The following UNC5C variants were observed in gnomAD, a reference collection of about 807,000 sequenced individuals.
UNC5C encodes unc-5 netrin receptor C, also known as netrin receptor UNC5C.
In UNC5C, 47 loss-of-function variants were observed where a neutral mutation model predicts 99.8. The observed-to-expected ratio is 0.47, with a 90% CI of 0.37 to 0.60. The LOEUF (loss-of-function observed/expected upper bound fraction) is 0.60. Among genes scored for constraint, UNC5C ranks in the 20% least tolerant of loss-of-function variants. The probability of loss-of-function intolerance (pLI) is 0.00; values close to 1 mark genes in which losing one functional copy is unlikely to be tolerated. For missense variants in UNC5C, 1,062 were observed against 1,165.9 expected, an observed-to-expected ratio of 0.91 and a Z score of 1.30; for synonymous variants, 487 against 452.2, an observed-to-expected ratio of 1.08 and a Z score of -0.98.
chr4:95,374,526 C>A (rs1744837675), intron 1 of UNC5C, among the ~76,000 whole-genome samples: 1 of 152,106 alleles, frequency 6.6e-6, no homozygotes, highest in Admixed American at 6.6e-5. Flanking sequence ...GGGATTTACA[C>A]ACTGACAGCA....
At chr4:95,317,614 T>G (rs1160755548) in intron 2 of UNC5C, among the ~76,000 whole-genome samples, 2 of 152,136 alleles carry the variant, frequency 1.3e-5, no homozygotes, top group Non-Finnish European at 2.9e-5. Flanking sequence ...GCAAGGATGC[T>G]GTGAGCAGGA....
Position 95,166,048 on chromosome 4 carries a change from G to T in UNC5C, c.*3186C>A, listed in dbSNP as rs746672215. 6.6e-6 allele frequency: 1 copy of T among 152,180 alleles called. No individual in the cohort carries two copies. The highest frequency in any genetic ancestry group is 2.4e-5 in the African/African-American group (1 of 41,452). 9.4% of individuals were successfully genotyped at this position (152,180 alleles called of 1,614,324 possible). On this transcript the variant is annotated 3_prime_UTR_variant, in exon 16 of 16. Coordinates refer to ENST00000453304, the MANE Select transcript of UNC5C (RefSeq NM_003728.4). The stretch of plus-strand genomic sequence containing the variant: ...GTCATAAAGGTCCTTGAACTCTACA[G>T]GTTTTCATTCCCTTCGTCAAACACA...
intron 4 of UNC5C, among the ~76,000 whole-genome samples, chr4:95,253,248 T>C (rs1215056222): frequency 3.3e-5 from 5 of 152,180 alleles, no homozygotes; most frequent in African/African-American, 1.2e-4. Flanking sequence ...GTTCCTCCTA[T>C]GTAAATGATG....
At chr4:95,510,413 G>T (rs1385672) in intron 1 of UNC5C, among the ~76,000 whole-genome samples, 10,251 of 151,870 alleles carry the variant, frequency 0.067, 820 homozygotes, top group African/African-American at 0.19. Context: ...ACTAGCTATA[G>T]CTAATAATCA....
intron 2 of UNC5C, among the ~76,000 whole-genome samples, chr4:95,311,230 A>T (rs1012130481): frequency 6.6e-6 from 1 of 152,204 alleles, no homozygotes; most frequent in Non-Finnish European, 1.5e-5. Flanking sequence ...TCTGATACTA[A>T]AAGGGCAGCT....
At chr4:95,396,385 A>G (rs947895507) in intron 1 of UNC5C, among the ~76,000 whole-genome samples, 2 of 152,172 alleles carry the variant, frequency 1.3e-5, no homozygotes, top group African/African-American at 4.8e-5. Flanking sequence ...GAGAGAAATG[A>G]TATACATTTT....
intron 9 of UNC5C, among the ~76,000 whole-genome samples, chr4:95,216,960 T>C (rs1000043129): frequency 1.3e-5 from 2 of 152,190 alleles, no homozygotes; most frequent in Non-Finnish European, 2.9e-5. Flanking sequence ...TTCAACCAGT[T>C]GCCAGGTGAT....
intron 1 of UNC5C, among the ~76,000 whole-genome samples, chr4:95,474,877 A>C (rs2149475698): frequency 6.6e-6 from 1 of 152,160 alleles, no homozygotes; most frequent in East Asian, 1.9e-4. Flanking sequence ...CCTATGCATA[A>C]CCACTCTTCT....
chr4:95,421,037 G>T (rs1161472312), intron 1 of UNC5C, among the ~76,000 whole-genome samples: 4 of 152,044 alleles, frequency 2.6e-5, no homozygotes, highest in Non-Finnish European at 4.4e-5. Context: ...TTCTTGTTCA[G>T]CTTTTTCACT....
chr4:95,258,654 A>G (rs1740096672), intron 4 of UNC5C, among the ~76,000 whole-genome samples: 1 of 151,768 alleles, frequency 6.6e-6, no homozygotes, highest in African/African-American at 2.4e-5. Context: ...GGTACTAAAA[A>G]CAGTTACACG....
chr4:95,355,695 G>A (rs1287957508), intron 1 of UNC5C, among the ~76,000 whole-genome samples: 3 of 152,018 alleles, frequency 2.0e-5, no homozygotes, highest in East Asian at 1.9e-4. Flanking sequence ...CATGGTGGAA[G>A]TACAGACTCC....
chr4:95,177,722 C>T (rs1362521405), intron 14 of UNC5C, among the ~76,000 whole-genome samples: 1 of 152,052 alleles, frequency 6.6e-6, no homozygotes, highest in Non-Finnish European at 1.5e-5. Context: ...GTAGGAGGGG[C>T]ATTTGACACT....
chr4:95,227,886 T>C (rs181547151), intron 7 of UNC5C, among the ~76,000 whole-genome samples: 2 of 152,236 alleles, frequency 1.3e-5, no homozygotes, highest in African/African-American at 4.8e-5. Context: ...TCCTGGCTGC[T>C]GGTAGTAAAG....
intron 1 of UNC5C, among the ~76,000 whole-genome samples, chr4:95,440,666 C>T (rs544944178): frequency 2.0e-4 from 30 of 151,658 alleles, no homozygotes; most frequent in Admixed American, 9.2e-4. Context: ...ATTAAGATTC[C>T]GAAGACCTGA....
At chr4:95,169,920 G>A (rs1360166213) in intron 15 of UNC5C, among the ~76,000 whole-genome samples, 1 of 152,170 alleles carries the variant, frequency 6.6e-6, no homozygotes. Context: ...TTGGCAAAGT[G>A]CATCACAAAA....
intron 9 of UNC5C, among the ~76,000 whole-genome samples, chr4:95,217,237 G>T (rs1738285243): frequency 6.6e-6 from 1 of 152,152 alleles, no homozygotes; most frequent in African/African-American, 2.4e-5. Flanking sequence ...ATGAGCGTGG[G>T]GCAATATGAA....
chr4:95,318,187 C>T (rs1742552857), intron 2 of UNC5C, among the ~76,000 whole-genome samples: 1 of 151,968 alleles, frequency 6.6e-6, no homozygotes, highest in African/African-American at 2.4e-5. Flanking sequence ...CAGGTGAGCC[C>T]AGAATCCAAT....
Position 95,163,366 on chromosome 4 carries a change from A to G in UNC5C, c.*5868T>C, listed in dbSNP as rs1406837610. On this transcript the variant is annotated 3_prime_UTR_variant, in exon 16 of 16. Transcript: ENST00000453304. ...AGAGTTGTTTTAACATTGAGAACCT[A>G]TGTAGCTCAGGTCCCCATTCTCTGA... is the stretch of plus-strand genomic sequence containing the variant. 2.6e-5 allele frequency: 4 copies of G among 152,216 alleles called. No homozygotes were observed. The highest frequency in any genetic ancestry group is 5.9e-5 in the Non-Finnish European group (4 of 68,034). The allele number at this position is 152,216 out of a possible 1,614,324, so 9.4% of individuals were successfully genotyped here. A position where few individuals can be genotyped will look rare whatever the true frequency, so the allele number is the denominator to read the frequency against.
intron 1 of UNC5C, among the ~76,000 whole-genome samples, chr4:95,510,392 G>A (rs2149487191): frequency 6.6e-6 from 1 of 152,100 alleles, no homozygotes; most frequent in South Asian, 2.1e-4. Context: ...GACTATAGCT[G>A]CCTTAAAAAC....
Sources: allele counts gnomAD v4.1 joint callset (sites outside exome capture counted in the v4.1 genomes callset), GRCh38; gene constraint gnomAD v4.1.1; transcripts MANE v1.5; gene names NCBI Gene and HGNC (gene_info 2026-07-23, HGNC 2026-07-21).